Variants in CPSF3 observed in about 807,000 individuals in gnomAD.
CPSF3 encodes cleavage and polyadenylation specificity factor subunit 3.
In CPSF3, 57 loss-of-function variants were observed where a neutral mutation model predicts 84.1. The observed-to-expected ratio is 0.68, with a 90% CI of 0.55 to 0.85. The LOEUF is 0.85. Ranked by LOEUF, CPSF3 falls within the 40% of genes least tolerant of loss-of-function variation. The probability of loss-of-function intolerance (pLI) is 0.00; values close to 1 mark genes in which losing one functional copy is unlikely to be tolerated. For synonymous variants in CPSF3, 275 were observed against 278.1 expected, an observed-to-expected ratio of 0.99 and a Z score of 0.11; for missense variants, 522 against 838.8, an observed-to-expected ratio of 0.62 and a Z score of 4.66.
chr2:9,430,087 G>C (rs1680528599), intron 3 of CPSF3, 67 bp downstream of exon 3: 1 of 965,380 alleles, frequency 1.0e-6, no homozygotes, highest in African/African-American at 1.7e-5. Context: ...TTCTTTACTA[G>C]ATTTTGAGAG....
chr2:9,466,260 A>G (rs56393799), intron 15 of CPSF3, among the ~76,000 whole-genome samples: 1,324 of 118,386 alleles, frequency 0.011, 16 homozygotes, highest in African/African-American at 0.031. Context: ...GCACACACGC[A>G]CACAAAGACG....
chr2:9,453,448 A>T (rs903537079), intron 12 of CPSF3, among the ~76,000 whole-genome samples: 1 of 152,244 alleles, frequency 6.6e-6, no homozygotes, highest in Non-Finnish European at 1.5e-5. Flanking sequence ...AGGAACAAAA[A>T]CTTGTATAAT....
intron 12 of CPSF3, among the ~76,000 whole-genome samples, chr2:9,454,617 T>C (rs1333826126): frequency 2.0e-5 from 3 of 150,152 alleles, no homozygotes; most frequent in Non-Finnish European, 4.4e-5. Flanking sequence ...CCGTCTCTGC[T>C]TACTGCAAGC....
Position 9,426,875 on chromosome 2 carries a change from C to CAAAAAA in CPSF3, c.51-1881_51-1876dup, listed in dbSNP as rs61487619. On this transcript the variant is annotated intron_variant, in intron 1 of 17. Coordinates refer to ENST00000238112, the MANE Select transcript of CPSF3 (RefSeq NM_016207.4). ...TGGGCAACATAGGGGGACCTTGTCT[C>CAAAAAA]AAAAAAAAAAAAAAGACTGAAATGA... Among the ~76,000 whole-genome samples the CAAAAAA allele has an allele frequency of 1.9e-4, 25 of 131,204 alleles. 2 individuals are homozygous for CAAAAAA. Among genetic ancestry groups the CAAAAAA allele is most frequent in the African/African-American group, 2.8e-4 (10 of 35,414 alleles). 86.1% of individuals were successfully genotyped at this position (131,204 alleles called of 152,430 possible).
In CPSF3 at chr2:9,436,453, C is replaced by T. The variant is rs955963408; in HGVS notation, c.760+92C>T. 62 of 1,348,258 alleles carry T rather than the reference C, an allele frequency of 4.6e-5. 1 individual carries two copies. In the South Asian group the frequency reaches 9.1e-4, roughly 20 times the overall value. 83.5% of individuals were successfully genotyped at this position (1,348,258 alleles called of 1,614,324 possible). A position where few individuals can be genotyped will look rare whatever the true frequency, so the allele number is the denominator to read the frequency against. On this transcript the variant is annotated intron_variant, in intron 7 of 17. Transcript: ENST00000238112. ...GTCTTGGATGAGTCATTCCACCGTT[C>T]TGGACTTCAGTTTTCTTCATTTAAA...
Position 9,441,991 on chromosome 2 carries a change from T to G in CPSF3, c.1095+15T>G. The G allele has an allele frequency of 6.2e-7, 1 of 1,613,344 alleles. No individual in the cohort carries two copies. The highest frequency in any genetic ancestry group is 8.5e-7 in the Non-Finnish European group (1 of 1,179,344). ...CACTTGCCAAGGTCAGTTACAGTCA[T>G]AGGCTGTTGTGTTATTCCTATTCAG... On this transcript the variant is annotated intron_variant, in intron 9 of 17. Coordinates refer to ENST00000238112, the MANE Select transcript of CPSF3 (RefSeq NM_016207.4).
At chr2:9,461,743 C>CTTTTTT (rs530424404) in intron 15 of CPSF3, among the ~76,000 whole-genome samples, 4 of 105,280 alleles carry the variant, frequency 3.8e-5, no homozygotes, top group South Asian at 3.4e-4. Context: ...GAAGGAGGAT[C>CTTTTTT]TTTTTTTTTT....
In CPSF3 at chr2:9,452,343, AG is replaced by A. The variant is rs1364890296; in HGVS notation, c.1396-569del. 2.6e-5 allele frequency among the ~76,000 whole-genome samples: 4 copies of A among 151,078 alleles called. No individual in the cohort carries two copies. In the South Asian group the frequency reaches 8.3e-4, roughly 31 times the overall value. On this transcript the variant is annotated intron_variant, in intron 11 of 17. Coordinates refer to ENST00000238112, the MANE Select transcript of CPSF3 (RefSeq NM_016207.4). ...ACTGTCTCAAAAAAAAAAAAAAAAAAGAATAGTGGGTTTCACGTTTGTAGTA... is the reference window on the plus strand; with the variant it reads ...ACTGTCTCAAAAAAAAAAAAAAAAAAAATAGTGGGTTTCACGTTTGTAGTA...
In CPSF3 at chr2:9,423,975, G is replaced by A. The variant is rs1444411098; in HGVS notation, c.50+152G>A. ...GCGGGCCAGGCTTCTCAGGCTCGAG[G>A]GGTTGGAGGACCGTTGATCGGAAGG... On this transcript the variant is annotated intron_variant, in intron 1 of 17. Transcript: ENST00000238112. 7 of 1,442,180 alleles carry A rather than the reference G, an allele frequency of 4.9e-6. No individual in the cohort carries two copies. The African/African-American group carries it at 1.0e-4, about 21-fold the overall frequency. The allele number at this position is 1,442,180 out of a possible 1,614,324, so 89.3% of individuals were successfully genotyped here. A position where few individuals can be genotyped will look rare whatever the true frequency, so the allele number is the denominator to read the frequency against.
At chr2:9,430,066 T>A in intron 3 of CPSF3, 46 bp downstream of exon 3, 1 of 1,106,962 alleles carries the variant, frequency 9.0e-7, no homozygotes. Context: ...GGACTTTTAC[T>A]ATCAAGATCA....
chr2:9,425,097 T>G (rs1053978089), intron 1 of CPSF3: 3 of 152,264 alleles, frequency 2.0e-5, no homozygotes, highest in African/African-American at 7.2e-5. Context: ...ATGTGATGCC[T>G]GAGCTGAGTC....
At chr2:9,440,877 A>G (rs1014654005) in intron 8 of CPSF3, among the ~76,000 whole-genome samples, 2 of 152,250 alleles carry the variant, frequency 1.3e-5, no homozygotes, top group African/African-American at 4.8e-5. Flanking sequence ...AATCGTAGGC[A>G]GTGCTTGTCA....
chr2:9,441,271 T>C (rs1680952738), intron 8 of CPSF3, among the ~76,000 whole-genome samples: 1 of 152,256 alleles, frequency 6.6e-6, no homozygotes, highest in Non-Finnish European at 1.5e-5. Flanking sequence ...AATAAAATAA[T>C]TGATATCCGA....
rs1266229842 is a variant in CPSF3 at position 9,438,414 on chromosome 2, AC to A, written c.760+2054del. Among the ~76,000 whole-genome samples the A allele has an allele frequency of 5.3e-5, 8 of 152,302 alleles. No homozygotes were observed. The East Asian group carries it at 1.3e-3, about 26-fold the overall frequency. On this transcript the variant is annotated intron_variant, in intron 7 of 17. Transcript: ENST00000238112. ...TGGGTTGCCAGATTTAGCAAATAAAACTAGAGGACAACTCATTAAATTTTAG... is the reference window on the plus strand; with the variant it reads ...TGGGTTGCCAGATTTAGCAAATAAAATAGAGGACAACTCATTAAATTTTAG...
chr2:9,435,678 A>G (rs1572772990), intron 6 of CPSF3, among the ~76,000 whole-genome samples: 1 of 151,602 alleles, frequency 6.6e-6, no homozygotes. Flanking sequence ...CGGCCTTCCA[A>G]AATGCTGGGA....
chr2:9,432,943 A>C (rs1680644702), intron 5 of CPSF3, among the ~76,000 whole-genome samples: 1 of 152,206 alleles, frequency 6.6e-6, no homozygotes, highest in South Asian at 2.1e-4. Context: ...CATCTCAAAA[A>C]GTGATTCCCT....
chr2:9,424,768 C>T (rs1239324246), intron 1 of CPSF3: 3 of 152,166 alleles, frequency 2.0e-5, no homozygotes, highest in Non-Finnish European at 2.9e-5. Context: ...CAGTTAATTG[C>T]TCTCGCTCTT....
At chr2:9,432,950 C>T (rs1003658463) in intron 5 of CPSF3, among the ~76,000 whole-genome samples, 13 of 152,136 alleles carry the variant, frequency 8.5e-5, no homozygotes, top group African/African-American at 3.1e-4. Context: ...AAAAGTGATT[C>T]CCTGACACCA....
chr2:9,462,491 G>T (rs1681763456), intron 15 of CPSF3, among the ~76,000 whole-genome samples: 2 of 152,196 alleles, frequency 1.3e-5, no homozygotes, highest in Non-Finnish European at 2.9e-5. Context: ...GCAGAGGAGG[G>T]ATCACAGAGA....
Sources: gnomAD v4.1 joint callset for allele counts (sites outside exome capture counted in the v4.1 genomes callset) on GRCh38, gnomAD v4.1.1 for gene constraint, MANE v1.5 for transcripts, NCBI Gene and HGNC (gene_info 2026-07-23, HGNC 2026-07-21) for gene names.